Variants in BTG4 observed in about 807,000 individuals in gnomAD.
BTG4 encodes BTG anti-proliferation factor 4.
In BTG4, 10 loss-of-function variants were observed where a neutral mutation model predicts 19.3. The observed-to-expected ratio is 0.52, with a 90% CI of 0.32 to 0.88. BTG4 has a LOEUF of 0.88. BTG4 is among the 40% of genes least tolerant of loss of function. The pLI, the probability that BTG4 is intolerant of heterozygous loss-of-function variation, is 0.04. For synonymous variants in BTG4, 91 were observed against 95.7 expected (o/e 0.95, Z 0.29); for missense variants, 238 against 281.9 (o/e 0.84, Z 1.11).
downstream of BTG4, among the ~76,000 whole-genome samples, chr11:111,465,296 T>C (rs1863655427): frequency 6.6e-6 from 1 of 152,164 alleles, no homozygotes; most frequent in Non-Finnish European, 1.5e-5. Context: ...AGCAGGGAAG[T>C]GCAAACTATG....
At chr11:111,391,261 G>A in the BTG4 span, among the ~76,000 whole-genome samples, 5 of 152,114 alleles carry the variant, frequency 3.3e-5, no homozygotes, top group Non-Finnish European at 7.4e-5. Context: ...GGCCCCAGTT[G>A]CTGCGACAAA....
chr11:111,383,831 T>C, the BTG4 span, among the ~76,000 whole-genome samples: 15 of 152,216 alleles, frequency 9.9e-5, no homozygotes, highest in Non-Finnish European at 2.2e-4. Flanking sequence ...AATATCATTA[T>C]AAAATTAATT....
intron 4 of BTG4, among the ~76,000 whole-genome samples, chr11:111,496,234 G>C (rs927073874): frequency 1.3e-5 from 2 of 152,098 alleles, no homozygotes; most frequent in African/African-American, 4.8e-5. Context: ...AATGAGAATA[G>C]CCAATTCTAG....
At chr11:111,489,284 T>A (rs1865266801) in intron 5 of BTG4, among the ~76,000 whole-genome samples, 1 of 152,136 alleles carries the variant, frequency 6.6e-6, no homozygotes, top group South Asian at 2.1e-4. Context: ...AAGTAATAAC[T>A]GTTGCTGGTG....
At chr11:111,491,613 G>A (rs184482968), downstream of BTG4, among the ~76,000 whole-genome samples, 12 of 151,798 alleles carry the variant, frequency 7.9e-5, no homozygotes, top group Admixed American at 7.9e-4. Context: ...CCAGGTGCCT[G>A]TAGTCCCAGC....
At chr11:111,434,884 C>T in the BTG4 span, 1 of 152,166 alleles carries the variant, frequency 6.6e-6, no homozygotes, top group Non-Finnish European at 1.5e-5. Context: ...CCTTCATTGA[C>T]ACCTCTCACC....
chr11:111,462,496 C>T, the BTG4 span: 1 of 152,764 alleles, frequency 6.5e-6, no homozygotes, highest in South Asian at 2.1e-4. Context: ...TGCATCACCA[C>T]AGATAGCTGC....
At chr11:111,389,231 T>G in the BTG4 span, among the ~76,000 whole-genome samples, 2 of 152,110 alleles carry the variant, frequency 1.3e-5, no homozygotes, top group African/African-American at 4.8e-5. Flanking sequence ...GGAAAGTAAC[T>G]TGAATAAATG....
At chr11:111,481,103 T>G (rs1005249591) in intron 5 of BTG4, among the ~76,000 whole-genome samples, 1 of 151,878 alleles carries the variant, frequency 6.6e-6, no homozygotes, top group Admixed American at 6.6e-5. Context: ...AGAATGAATG[T>G]AGGGATACCA....
At chr11:111,471,589 C>G (rs1161827352) in intron 5 of BTG4, among the ~76,000 whole-genome samples, 2 of 152,106 alleles carry the variant, frequency 1.3e-5, no homozygotes, top group African/African-American at 4.8e-5. Flanking sequence ...TTTTCTCCGG[C>G]CTCTTAATGT....
chr11:111,440,538 A>G, the BTG4 span, among the ~76,000 whole-genome samples: 1,763 of 152,218 alleles, frequency 0.012, 43 homozygotes, highest in African/African-American at 0.039. Context: ...GACTCAAACC[A>G]ACATCCTACC....
At chr11:111,439,626 G>C in the BTG4 span, among the ~76,000 whole-genome samples, 26 of 151,538 alleles carry the variant, frequency 1.7e-4, 1 homozygote, top group African/African-American at 6.1e-4. Flanking sequence ...CAGCCCCCTC[G>C]TACTTCCCCT....
chr11:111,469,697 T>C (rs1161726709), intron 5 of BTG4: 1 of 152,656 alleles, frequency 6.6e-6, no homozygotes, highest in East Asian at 1.9e-4. Flanking sequence ...AAGCCCCATT[T>C]TTCTTTCAAC....
the BTG4 span, among the ~76,000 whole-genome samples, chr11:111,411,134 G>A: frequency 1.3e-5 from 2 of 152,142 alleles, no homozygotes; most frequent in Non-Finnish European, 2.9e-5. Context: ...CTATGCCCCT[G>A]CTTTGTTTTA....
At chr11:111,388,056 G>C in the BTG4 span, among the ~76,000 whole-genome samples, 23 of 152,102 alleles carry the variant, frequency 1.5e-4, no homozygotes, top group South Asian at 4.1e-4. Flanking sequence ...CACAAACTTT[G>C]TGCTGGAAAT....
chr11:111,480,106 GAATAT>G (rs1428237566), intron 5 of BTG4, among the ~76,000 whole-genome samples: 1 of 151,764 alleles, frequency 6.6e-6, no homozygotes, highest in African/African-American at 2.4e-5. Context: ...AACTCACCTC[GAATAT>G]AATAAAATAA....
chr11:111,483,680 CAGAGA>C (rs946631392), intron 5 of BTG4, among the ~76,000 whole-genome samples: 1 of 151,872 alleles, frequency 6.6e-6, no homozygotes, highest in African/African-American at 2.4e-5. Flanking sequence ...AACAGACAGT[CAGAGA>C]AGAGAAAAGA....
intron 5 of BTG4, among the ~76,000 whole-genome samples, chr11:111,471,343 G>C (rs1354781150): frequency 2.0e-5 from 3 of 152,124 alleles, no homozygotes; most frequent in African/African-American, 7.2e-5. Flanking sequence ...GATTTATTTT[G>C]TGGGTTTGAT....
At chr11:111,427,996 T>C in the BTG4 span, among the ~76,000 whole-genome samples, 1 of 152,102 alleles carries the variant, frequency 6.6e-6, no homozygotes, top group South Asian at 2.1e-4. Context: ...CCCTTCCTGC[T>C]TGCCGACAAG....
Sources: gnomAD v4.1 joint callset for allele counts (sites outside exome capture counted in the v4.1 genomes callset) on GRCh38, gnomAD v4.1.1 for gene constraint, MANE v1.5 for transcripts, NCBI Gene and HGNC (gene_info 2026-07-23, HGNC 2026-07-21) for gene names.